The following TMEM132A variants were observed in gnomAD, a reference collection of about 807,000 sequenced individuals.
TMEM132A encodes transmembrane protein 132A.
In TMEM132A, 48 loss-of-function variants were observed where a neutral mutation model predicts 69.9. The ratio of observed to expected loss-of-function variants is 0.69; its 90% CI spans 0.55 to 0.87. The LOEUF (loss-of-function observed/expected upper bound fraction) is 0.87, where lower values mean the gene tolerates loss of function less well. Ranked by LOEUF, TMEM132A falls within the 40% of genes least tolerant of loss-of-function variation. The pLI is 0.00. For synonymous variants in TMEM132A, 577 were observed against 613.7 expected (o/e 0.94, Z 0.88); for missense variants, 1,287 against 1,407.2 (o/e 0.91, Z 1.37).
Position 60,935,892 on chromosome 11 carries a change from T to C in TMEM132A, c.2057T>C (p.Phe686Ser), listed in dbSNP as rs1402218717. 3 of 1,611,890 alleles carry C rather than the reference T, an allele frequency of 1.9e-6. No homozygotes were observed. Among genetic ancestry groups the C allele is most frequent in the Non-Finnish European group, 2.5e-6 (3 of 1,179,986 alleles). ...QEVALSLWLS[F>S]SDHTVAPAEL... ...GTGGCCCTCTCCCTATGGCTGTCCT[T>C]CTCTGATCACACTGTGGCCCCAGCT... Residue 686 changes from phenylalanine (F) to serine (S), a missense_variant, in exon 11 of 11, where the codon TTC (phenylalanine) becomes TCC (serine). Transcript: ENST00000453848. The surrounding 1 kb of genome is among the most constrained non-coding windows in gnomAD (Gnocchi z 5.0).
intron 8 of TMEM132A, 74 bp from the exon 9 acceptor site, chr11:60,934,414 C>A: frequency 2.4e-6 from 3 of 1,259,174 alleles, no homozygotes; most frequent in South Asian, 2.2e-5. Flanking sequence ...AGCTGCGGGT[C>A]TCCAGCAGCT....
chr11:60,929,109 C>A, intron 4 of TMEM132A, 149 bp downstream of exon 4: 1 of 835,192 alleles, frequency 1.2e-6, no homozygotes, highest in Non-Finnish European at 1.9e-6. Flanking sequence ...AGGTAAAAAG[C>A]CATGACTGTG....
intron 1 of TMEM132A, 113 bp from the exon 2 acceptor site, chr11:60,927,091 T>C (rs1856361451): frequency 2.4e-6 from 2 of 850,950 alleles, no homozygotes; most frequent in Non-Finnish European, 4.0e-6. Flanking sequence ...AAGGGACATT[T>C]ACAGCCCTTT....
chr11:60,928,703 C>T lies in TMEM132A; in HGVS notation c.609C>T (p.Ala203=), dbSNP rs564681014. The T allele has an allele frequency of 8.1e-6, 13 of 1,610,742 alleles. No individual in the cohort carries two copies. Among genetic ancestry groups the T allele is most frequent in the Admixed American group, 6.7e-5 (4 of 59,930 alleles). ...HWFSQASTTR[A]ELAYTLEPAA... ...TCTCACAGGCCTCCACCACACGGGC[C>T]GAGCTGGCCTACACGCTTGAGCCTG... is the stretch of plus-strand genomic sequence containing the variant. Residue 203 remains alanine, a synonymous_variant, in exon 4 of 11, where the codon GCC becomes GCT. Transcript: ENST00000453848.
In TMEM132A at chr11:60,936,035, G is replaced by A. The variant is rs201899054; in HGVS notation, c.2200G>A (p.Glu734Lys). 2.6e-5 allele frequency: 41 copies of A among 1,598,110 alleles called. No individual in the cohort carries two copies. The highest frequency in any genetic ancestry group is 2.5e-4 in the African/African-American group (19 of 74,630). Reference protein sequence around the residue: ...LGVVVSGAGAEGLPLHVALHP... With the variant: ...LGVVVSGAGAKGLPLHVALHP... ...GGTGGTGGTGAGTGGGGCAGGCGCC[G>A]AGGGGCTGCCGCTGCATGTGGCTCT... The change falls in exon 11 of 11, where the codon GAG becomes AAG. Residue 734 changes from glutamate to lysine, a missense_variant. Physicochemically the swap from Glu to Lys is moderately conservative, Grantham distance 56. Transcript: ENST00000453848.
chr11:60,924,708 G>A lies in TMEM132A; in HGVS notation c.75G>A (p.Val25=), dbSNP rs760984588. 1.3e-6 allele frequency: 2 copies of A among 1,587,192 alleles called. No individual in the cohort carries two copies. The highest frequency in any genetic ancestry group is 3.4e-5 in the Admixed American group (2 of 59,124). ...GPYGPWLCLL[V]ALALDVVRVD... ...ACGGCCCCTGGCTCTGCCTCCTGGT[G>A]GCCCTCGCCCTGGACGTCGTGAGAG... is the stretch of plus-strand genomic sequence containing the variant. The change falls in exon 1 of 11, where the codon GTG becomes GTA. Residue 25 remains valine, a synonymous_variant. Coordinates refer to ENST00000453848, the MANE Select transcript of TMEM132A (RefSeq NM_178031.3).
Position 60,936,040 on chromosome 11 carries a change from G to A in TMEM132A, c.2205G>A (p.Gly735=), listed in dbSNP as rs781603515. The A allele has an allele frequency of 6.3e-7, 1 of 1,595,508 alleles. No individual in the cohort carries two copies. The highest frequency in any genetic ancestry group is 8.5e-7 in the Non-Finnish European group (1 of 1,174,796). The change falls in exon 11 of 11, where the codon GGG becomes GGA. Residue 735 remains glycine, a synonymous_variant. Coordinates refer to ENST00000453848, the MANE Select transcript of TMEM132A (RefSeq NM_178031.3). ...GVVVSGAGAE[G]LPLHVALHPP... is the part of the protein sequence containing the mutation. ...TGGTGAGTGGGGCAGGCGCCGAGGG[G>A]CTGCCGCTGCATGTGGCTCTGCACC...
rs561321056 is a variant in TMEM132A at position 60,935,188 on chromosome 11, T to G, written c.1837-64T>G. On this transcript the variant is annotated intron_variant, in intron 9 of 10. Coordinates refer to ENST00000453848, the MANE Select transcript of TMEM132A (RefSeq NM_178031.3). This position sits in a 1 kb window ranked among gnomAD's most constrained non-coding sequence, Gnocchi z 5.0. ...CCGTGAGGGTGCTGGGAGCACCCGG[T>G]TCCCTCTGGGTGGGGGCTGTCTGTA... is the stretch of plus-strand genomic sequence containing the variant. 1.3e-6 allele frequency: 2 copies of G among 1,489,116 alleles called. No individual in the cohort carries two copies. The allele number at this position is 1,489,116 out of a possible 1,614,324, so 92.2% of individuals were successfully genotyped here. A position where few individuals can be genotyped will look rare whatever the true frequency, so the allele number is the denominator to read the frequency against.
chr11:60,929,136 A>G (rs1363167237), intron 4 of TMEM132A, among the ~76,000 whole-genome samples, 176 bp downstream of exon 4: 2 of 152,206 alleles, frequency 1.3e-5, no homozygotes, highest in African/African-American at 4.8e-5. Context: ...GGAGCCCACC[A>G]TGGGCACAGC....
At chr11:60,927,962 G>A in intron 3 of TMEM132A, 103 bp downstream of exon 3, 3 of 974,370 alleles carry the variant, frequency 3.1e-6, no homozygotes, top group South Asian at 1.7e-5. Context: ...AAGCGCGGGG[G>A]TTGTGGACCA....
In TMEM132A at chr11:60,936,707, G is replaced by C; in HGVS notation, c.2872G>C (p.Gly958Arg). Reference protein sequence around the residue: ...SSTLARKEAGGRRKRVEFVTF... With the variant: ...SSTLARKEAGRRRKRVEFVTF... ...CACCCTGGCCCGAAAGGAGGCTGGGGGGCGGCGGAAGCGAGTAGAGTTTGT... is the reference window on the plus strand; with the variant it reads ...CACCCTGGCCCGAAAGGAGGCTGGGCGGCGGCGGAAGCGAGTAGAGTTTGT... Residue 958 changes from glycine to arginine, a missense_variant, in exon 11 of 11, where the codon GGG becomes CGG. Gly to Arg is a moderately radical substitution (Grantham distance 125). Transcript: ENST00000453848. 6.3e-7 allele frequency: 1 copy of C among 1,575,706 alleles called. No individual in the cohort carries two copies. The highest frequency in any genetic ancestry group is 1.8e-4 in the Middle Eastern group (1 of 5,608).
In TMEM132A at chr11:60,934,629, C is replaced by T. The variant is rs1856549962; in HGVS notation, c.1701C>T (p.His567=). The change falls in exon 9 of 11, where the codon CAC becomes CAT. Residue 567 remains histidine, a synonymous_variant. Transcript: ENST00000453848. ...TGGACGGCGGCCGCCGCCTCACGCA[C>T]CTGCTTGGCCCCGACTGGCTGCTAG... ...HPLDGGRRLT[H]LLGPDWLLDV... is the part of the protein sequence containing the mutation. 1 of 1,591,040 alleles carries T rather than the reference C, an allele frequency of 6.3e-7. No individual in the cohort carries two copies. Among genetic ancestry groups the T allele is most frequent in the Non-Finnish European group, 8.5e-7 (1 of 1,176,578 alleles).
chr11:60,932,257 G>A (rs1856498063), intron 7 of TMEM132A, 130 bp downstream of exon 7: 1 of 1,153,222 alleles, frequency 8.7e-7, no homozygotes, highest in Non-Finnish European at 1.2e-6. Flanking sequence ...AACCTCATGG[G>A]AGGAACCACA....
Position 60,935,538 on chromosome 11 carries a change from C to A in TMEM132A, c.2028+95C>A. The A allele has an allele frequency of 7.6e-7, 1 of 1,321,420 alleles. No homozygotes were observed. The highest frequency in any genetic ancestry group is 1.0e-6 in the Non-Finnish European group (1 of 964,738). 81.9% of individuals were successfully genotyped at this position (1,321,420 alleles called of 1,614,324 possible). A position where few individuals can be genotyped will look rare whatever the true frequency, so the allele number is the denominator to read the frequency against. On this transcript the variant is annotated intron_variant, in intron 10 of 10. Coordinates refer to ENST00000453848, the MANE Select transcript of TMEM132A (RefSeq NM_178031.3). The surrounding 1 kb of genome is among the most constrained non-coding windows in gnomAD (Gnocchi z 5.0). ...GAGGAAGGGACCCTGGTACCTCGACCCCTTAGGGTTTTCAGAGTGAGGACT... is the reference window on the plus strand; with the variant it reads ...GAGGAAGGGACCCTGGTACCTCGACACCTTAGGGTTTTCAGAGTGAGGACT...
Position 60,927,817 on chromosome 11 carries a change from C to T in TMEM132A, c.492C>T (p.Ala164=). 2 of 1,612,120 alleles carry T rather than the reference C, an allele frequency of 1.2e-6. No individual in the cohort carries two copies. Among genetic ancestry groups the T allele is most frequent in the Non-Finnish European group, 1.7e-6 (2 of 1,179,904 alleles). ...SGSLPCARLH[A]THPAGTAHQA... is the part of the protein sequence containing the mutation. ...GCCTGCCCTGTGCCCGGCTCCATGC[C>T]ACACACCCTGCCGGCACTGCTCACC... The change falls in exon 3 of 11, where the codon GCC becomes GCT. Residue 164 remains alanine (A), a synonymous_variant. Coordinates refer to ENST00000453848, the MANE Select transcript of TMEM132A (RefSeq NM_178031.3).
Position 60,937,013 on chromosome 11 carries a change from TC to T in TMEM132A, c.*110del. ...CTCGTCTGGTGCTTGTTGATCCAAG[TC>T]CCCTGCCTGGTCCCCCACAAGGACT... On this transcript the variant is annotated 3_prime_UTR_variant, in exon 11 of 11. Transcript: ENST00000453848. 7.8e-7 allele frequency: 1 copy of T among 1,282,842 alleles called. No homozygotes were observed. Among genetic ancestry groups the T allele is most frequent in the Non-Finnish European group, 1.0e-6 (1 of 957,270 alleles). The allele number at this position is 1,282,842 out of a possible 1,614,324, so 79.5% of individuals were successfully genotyped here. A position where few individuals can be genotyped will look rare whatever the true frequency, so the allele number is the denominator to read the frequency against.
rs1178266583 is a variant in TMEM132A at position 60,935,011 on chromosome 11, G to A, written c.1837-241G>A. On this transcript the variant is annotated intron_variant, in intron 9 of 10. Transcript: ENST00000453848. This position sits in a 1 kb window ranked among gnomAD's most constrained non-coding sequence, Gnocchi z 5.0. ...GGGGACCGGGTCTTGAGGGAAAAGG[G>A]AACTGCCCCCTAGGTGTGGGATTGG... 6.6e-6 allele frequency among the ~76,000 whole-genome samples: 1 copy of A among 152,152 alleles called. No individual in the cohort carries two copies. Among genetic ancestry groups the A allele is most frequent in the Admixed American group, 6.5e-5 (1 of 15,288 alleles).
At chr11:60,924,826 G>C in intron 1 of TMEM132A, 93 bp downstream of exon 1, 1 of 940,244 alleles carries the variant, frequency 1.1e-6, no homozygotes, top group African/African-American at 1.8e-5. Flanking sequence ...TTGGGTTCTC[G>C]GACTGAACCC....
In TMEM132A at chr11:60,927,258, T is replaced by C; in HGVS notation, c.155T>C (p.Leu52Pro). The C allele has an allele frequency of 6.2e-7, 1 of 1,613,528 alleles. No individual in the cohort carries two copies. The highest frequency in any genetic ancestry group is 8.5e-7 in the Non-Finnish European group (1 of 1,179,970). ...DPVYLPAALE[L>P]LDAPEHFRVQ... The stretch of plus-strand genomic sequence containing the variant: ...GTCTACCTGCCGGCAGCCCTGGAGC[T>C]CCTAGACGCCCCTGAACACTTCCGT... Residue 52 changes from leucine (L) to proline (P), a missense_variant, in exon 2 of 11, where the codon CTC becomes CCC. By Grantham distance (98) the Leu-to-Pro change is moderately conservative. Transcript: ENST00000453848.
Sources: gnomAD v4.1 joint callset for allele counts (sites outside exome capture counted in the v4.1 genomes callset) on GRCh38, gnomAD v4.1.1 for gene constraint, Gnocchi (gnomAD v3.1) non-coding constraint, MANE v1.5 for transcripts, NCBI Gene and HGNC (gene_info 2026-07-23, HGNC 2026-07-21) for gene names.